The following QTMAN variants were observed in gnomAD, a reference collection of about 807,000 sequenced individuals.
QTMAN encodes tRNA-queuosine alpha-mannosyltransferase.
chr2:144,139,911 C>T, the QTMAN span, among the ~76,000 whole-genome samples: 1 of 151,888 alleles, frequency 6.6e-6, no homozygotes, highest in South Asian at 2.1e-4. Context: ...TCATTTTTCC[C>T]ATGACCAAAT....
chr2:144,109,726 C>T, the QTMAN span, among the ~76,000 whole-genome samples: 3 of 151,868 alleles, frequency 2.0e-5, no homozygotes, highest in South Asian at 6.2e-4. Flanking sequence ...AAAAAGTAGG[C>T]AAAGGATATG....
chr2:143,954,454 C>G, the QTMAN span, among the ~76,000 whole-genome samples: 3 of 151,822 alleles, frequency 2.0e-5, no homozygotes, highest in African/African-American at 4.8e-5. Context: ...TTTGAGTCAT[C>G]GTATGAATAT....
the QTMAN span, among the ~76,000 whole-genome samples, chr2:143,973,121 G>GT: frequency 1.7e-4 from 26 of 151,264 alleles, no homozygotes; most frequent in East Asian, 5.8e-4. Context: ...TAGTAAGTGG[G>GT]TTTTTTTTTC....
the QTMAN span, among the ~76,000 whole-genome samples, chr2:144,182,685 C>T: frequency 1.5e-5 from 2 of 137,616 alleles, no homozygotes; most frequent in Non-Finnish European, 3.1e-5. Context: ...AAAAGTGCTG[C>T]AGGGCATGCC....
chr2:144,226,766 T>C, the QTMAN span, among the ~76,000 whole-genome samples: 231 of 152,286 alleles, frequency 1.5e-3, no homozygotes, highest in African/African-American at 5.4e-3. Flanking sequence ...TGGGAGATAG[T>C]AGACAGTTGT....
chr2:144,052,576 C>T, the QTMAN span, among the ~76,000 whole-genome samples: 12 of 152,210 alleles, frequency 7.9e-5, no homozygotes, highest in African/African-American at 2.7e-4. Context: ...CCTAAAGCCA[C>T]ATAGCTAGTA....
At chr2:144,188,293 A>C in the QTMAN span, among the ~76,000 whole-genome samples, 1 of 152,052 alleles carries the variant, frequency 6.6e-6, no homozygotes, top group South Asian at 2.1e-4. Flanking sequence ...TTTTTAATTT[A>C]AGCTTTCACA....
the QTMAN span, among the ~76,000 whole-genome samples, chr2:144,107,098 T>A: frequency 6.6e-6 from 1 of 152,198 alleles, no homozygotes; most frequent in Non-Finnish European, 1.5e-5. Context: ...CTGGGACACA[T>A]TTAAAGCAGT....
At chr2:144,210,843 A>T in the QTMAN span, 1 of 152,166 alleles carries the variant, frequency 6.6e-6, no homozygotes, top group African/African-American at 2.4e-5. Context: ...GTAGATATCT[A>T]CCATCTTGCT....
chr2:144,210,020 T>C, the QTMAN span, among the ~76,000 whole-genome samples: 2 of 109,178 alleles, frequency 1.8e-5, no homozygotes, highest in African/African-American at 7.4e-5. Context: ...AATGAGCATT[T>C]GGGAGGATGG....
At chr2:144,080,511 T>C in the QTMAN span, among the ~76,000 whole-genome samples, 2 of 152,166 alleles carry the variant, frequency 1.3e-5, no homozygotes, top group Admixed American at 1.3e-4. Context: ...AACATAACAA[T>C]GTTAACTAAA....
At chr2:144,250,106 A>G in the QTMAN span, among the ~76,000 whole-genome samples, 2 of 148,424 alleles carry the variant, frequency 1.3e-5, no homozygotes, top group South Asian at 2.1e-4. Flanking sequence ...AACTTATCAC[A>G]CTGCCGTGGT....
chr2:144,177,006 C>A, the QTMAN span: 1 of 618,766 alleles, frequency 1.6e-6, no homozygotes, highest in South Asian at 1.9e-5. Context: ...CAGAGCAGGA[C>A]AAAGAGAGAG....
the QTMAN span, among the ~76,000 whole-genome samples, chr2:144,052,552 G>A: frequency 6.6e-6 from 1 of 152,302 alleles, no homozygotes; most frequent in Middle Eastern, 3.4e-3. Context: ...GACACAGAAA[G>A]GTTAAGTAAC....
At chr2:144,259,444 C>T in the QTMAN span, among the ~76,000 whole-genome samples, 1 of 152,110 alleles carries the variant, frequency 6.6e-6, no homozygotes, top group African/African-American at 2.4e-5. Flanking sequence ...CAGGCATGAG[C>T]CACCCCGCCC....
chr2:144,235,639 T>C, the QTMAN span: 3 of 152,526 alleles, frequency 2.0e-5, no homozygotes, highest in Non-Finnish European at 2.9e-5. Flanking sequence ...CAGGACGGAA[T>C]TGATGGAGAT....
At chr2:144,327,665 A>C in the QTMAN span, among the ~76,000 whole-genome samples, 1 of 152,166 alleles carries the variant, frequency 6.6e-6, no homozygotes, top group East Asian at 1.9e-4. Flanking sequence ...CAGTATCTAA[A>C]GGGTCAATCT....
At chr2:144,256,750 T>G in the QTMAN span, among the ~76,000 whole-genome samples, 1 of 150,630 alleles carries the variant, frequency 6.6e-6, no homozygotes, top group African/African-American at 2.4e-5. Flanking sequence ...TTAGGAAAAA[T>G]ACCTAATGCA....
At chr2:144,138,168 G>A in the QTMAN span, among the ~76,000 whole-genome samples, 1 of 152,008 alleles carries the variant, frequency 6.6e-6, no homozygotes, top group African/African-American at 2.4e-5. Context: ...GGGACTATGT[G>A]CCCTAGACAA....
Sources: allele counts gnomAD v4.1 joint callset (sites outside exome capture counted in the v4.1 genomes callset), GRCh38; gene constraint gnomAD v4.1.1; transcripts MANE v1.5; gene names NCBI Gene and HGNC (gene_info 2026-07-23, HGNC 2026-07-21).